Variants in SLC25A12 observed in about 807,000 individuals in gnomAD.
SLC25A12 encodes the protein solute carrier family 25 member 12, also known as electrogenic aspartate/glutamate antiporter SLC25A12, mitochondrial.
Under a neutral mutation model 83.3 loss-of-function variants are expected in SLC25A12, and 32 were observed. That is an observed-to-expected ratio of 0.38 (90% confidence interval 0.29 to 0.52). SLC25A12 has a LOEUF of 0.52. Among genes scored for constraint, SLC25A12 ranks in the 20% least tolerant of loss-of-function variants. SLC25A12 has a pLI of 0.84. For synonymous variants in SLC25A12, 267 were observed against 291.1 expected (o/e 0.92, Z 0.84); for missense variants, 611 against 835.6 (o/e 0.73, Z 3.31).
chr2:171,850,452 T>C (rs1684904689), intron 4 of SLC25A12, among the ~76,000 whole-genome samples: 1 of 150,486 alleles, frequency 6.6e-6, no homozygotes, highest in Non-Finnish European at 1.5e-5. Flanking sequence ...TTCAAGCAAT[T>C]CTTCTGCCTC....
intron 14 of SLC25A12, among the ~76,000 whole-genome samples, chr2:171,793,215 A>C (rs896037650): frequency 6.6e-6 from 1 of 151,830 alleles, no homozygotes; most frequent in Non-Finnish European, 1.5e-5. Flanking sequence ...CTACTGTTTT[A>C]CTGTGGTCAA....
At position 171,820,570 on chromosome 2, in the gene SLC25A12, T is replaced by C. The variant is rs550490032; in HGVS notation, c.931-5368A>G. Among the ~76,000 whole-genome samples, 22 of 131,334 alleles carry C rather than the reference T, an allele frequency of 1.7e-4. 1 individual carries two copies. The highest frequency in any genetic ancestry group is 5.0e-4 in the African/African-American group (19 of 38,292). 86.2% of individuals were successfully genotyped at this position (131,334 alleles called of 152,430 possible). On this transcript the variant is annotated intron_variant, in intron 9 of 17. Coordinates refer to ENST00000422440, the MANE Select transcript of SLC25A12 (RefSeq NM_003705.5). The stretch of plus-strand genomic sequence containing the variant: ...GGTGAAACCCCGTCTCTACTAAAAA[T>C]ACAAAAAATTAGCCGGGCGCAGTGG...
chr2:171,831,579 A>G (rs1349964791), intron 8 of SLC25A12, among the ~76,000 whole-genome samples: 1 of 152,212 alleles, frequency 6.6e-6, no homozygotes, highest in African/African-American at 2.4e-5. Flanking sequence ...AGCACGTCAT[A>G]GATGGTCTGT....
At chr2:171,810,111 A>T in intron 12 of SLC25A12, 113 bp downstream of exon 12, 2 of 885,306 alleles carry the variant, frequency 2.3e-6, no homozygotes, top group Non-Finnish European at 3.8e-6. Context: ...TCCTCCCACC[A>T]CCCAAAATGC....
At chr2:171,817,500 G>A (rs947554909) in intron 9 of SLC25A12, among the ~76,000 whole-genome samples, 1 of 149,176 alleles carries the variant, frequency 6.7e-6, no homozygotes, top group African/African-American at 2.5e-5. Context: ...TACTTGGGAG[G>A]CTGAAGTGGG....
chr2:171,810,666 C>T (rs1459997551), intron 11 of SLC25A12, among the ~76,000 whole-genome samples: 1 of 152,214 alleles, frequency 6.6e-6, no homozygotes, highest in African/African-American at 2.4e-5. Context: ...ATACTGTACA[C>T]TTGGAAAAGC....
chr2:171,865,855 T>A (rs559544228), intron 3 of SLC25A12, among the ~76,000 whole-genome samples: 1 of 151,900 alleles, frequency 6.6e-6, no homozygotes, highest in Non-Finnish European at 1.5e-5. Flanking sequence ...AAAAAAAATT[T>A]TTTTTAATTG....
chr2:171,847,508 C>T (rs1222028119), intron 4 of SLC25A12, among the ~76,000 whole-genome samples: 2 of 152,202 alleles, frequency 1.3e-5, no homozygotes, highest in Non-Finnish European at 2.9e-5. Flanking sequence ...ATACCAAATA[C>T]ATCTAACTGA....
At chr2:171,793,854 A>G in intron 13 of SLC25A12, 87 bp from the exon 14 acceptor site, 2 of 1,439,812 alleles carry the variant, frequency 1.4e-6, no homozygotes, top group Non-Finnish European at 9.7e-7. Flanking sequence ...AAGCCTCCAC[A>G]TCTTGCTATC....
intron 13 of SLC25A12, among the ~76,000 whole-genome samples, chr2:171,800,348 C>CACAT (rs1491049106): frequency 2.0e-5 from 3 of 148,386 alleles, no homozygotes; most frequent in Non-Finnish European, 4.5e-5. Flanking sequence ...CACACACACA[C>CACAT]ATATACGAAT....
chr2:171,886,665 A>G (rs1278155578), intron 2 of SLC25A12, among the ~76,000 whole-genome samples: 1 of 151,780 alleles, frequency 6.6e-6, no homozygotes, highest in Non-Finnish European at 1.5e-5. Context: ...ACCCGCCACC[A>G]TGCCCGGCTA....
At chr2:171,864,095 A>T (rs1685229371) in intron 3 of SLC25A12, among the ~76,000 whole-genome samples, 3 of 152,208 alleles carry the variant, frequency 2.0e-5, no homozygotes, top group Admixed American at 2.0e-4. Flanking sequence ...ACCTAAATTG[A>T]TTCTATTGCA....
Position 171,880,701 on chromosome 2 carries a change from T to A in SLC25A12, c.67-11878A>T, listed in dbSNP as rs557607024. Among the ~76,000 whole-genome samples, 12 of 152,288 alleles carry A rather than the reference T, an allele frequency of 7.9e-5. No individual in the cohort carries two copies. In the East Asian group the frequency reaches 2.1e-3, roughly 27 times the overall value. On this transcript the variant is annotated intron_variant, in intron 2 of 17. Transcript: ENST00000422440. ...AGTTCCCAATAGTTTTTCCACCCTGTTCCCCTCCTTCCTTTCTCCCTCTAG... is the reference window on the plus strand; with the variant it reads ...AGTTCCCAATAGTTTTTCCACCCTGATCCCCTCCTTCCTTTCTCCCTCTAG...
intron 14 of SLC25A12, among the ~76,000 whole-genome samples, chr2:171,793,137 T>A (rs1055234742): frequency 1.3e-5 from 2 of 151,770 alleles, no homozygotes; most frequent in Non-Finnish European, 2.9e-5. Context: ...TTTTTTTTTT[T>A]AATGGAATTC....
chr2:171,845,736 GTCAATATAAT>G (rs1411588704), intron 4 of SLC25A12: 1 of 443,400 alleles, frequency 2.3e-6, no homozygotes, highest in African/African-American at 2.0e-5. Context: ...CCAGTCTAGA[GTCAATATAAT>G]AGCTCTGAAT....
Position 171,868,789 on chromosome 2 carries a change from A to T in SLC25A12, c.101T>A (p.Met34Lys), listed in dbSNP as rs758457969. The T allele has an allele frequency of 6.2e-7, 1 of 1,613,202 alleles. No individual in the cohort carries two copies. The highest frequency in any genetic ancestry group is 8.5e-7 in the Non-Finnish European group (1 of 1,179,250). Residue 34 changes from methionine (M) to lysine (K), a missense_variant, in exon 3 of 18, where the codon ATG becomes AAG. This residue lies in a region of SLC25A12 where 540 missense variants were observed against 777.5 expected (regional missense o/e 0.69). Coordinates refer to ENST00000422440, the MANE Select transcript of SLC25A12 (RefSeq NM_003705.5). ...ASTEVDGERY[M>K]TPEDFVQRYL... ...GCGCTGAACAAAGTCTTCTGGGGTC[A>T]TATAACGCTCTCCATCAACCTCAGT...
chr2:171,859,407 G>A (rs1685106564), intron 3 of SLC25A12, among the ~76,000 whole-genome samples: 1 of 152,176 alleles, frequency 6.6e-6, no homozygotes, highest in Admixed American at 6.6e-5. Context: ...ACAAGTTCGA[G>A]GCTGCAATGA....
At chr2:171,814,961 C>A in intron 10 of SLC25A12, 160 bp downstream of exon 10, 1 of 664,892 alleles carries the variant, frequency 1.5e-6, no homozygotes. Context: ...ATTGCTACGA[C>A]AAGTCTCCTG....
chr2:171,825,836 C>T (rs1035261241), intron 9 of SLC25A12, among the ~76,000 whole-genome samples: 12 of 152,206 alleles, frequency 7.9e-5, no homozygotes, highest in Admixed American at 7.2e-4. Context: ...TTATTAAAAA[C>T]TGTTCCATTC....
Sources: allele counts gnomAD v4.1 joint callset (sites outside exome capture counted in the v4.1 genomes callset), GRCh38; gene constraint gnomAD v4.1.1; regional missense constraint gnomAD v4.1.1; transcripts MANE v1.5; gene names NCBI Gene and HGNC (gene_info 2026-07-23, HGNC 2026-07-21).